Variants in LSP1 observed in about 807,000 individuals in gnomAD.
The protein encoded by LSP1 is lymphocyte-specific protein 1.
In LSP1, 32 loss-of-function variants were observed where a neutral mutation model predicts 49.3. The ratio of observed to expected loss-of-function variants is 0.65; its 90% CI spans 0.49 to 0.87. The LOEUF is 0.87. Ranked by LOEUF, LSP1 falls within the 40% of genes least tolerant of loss-of-function variation. The probability of loss-of-function intolerance (pLI) is 0.00; values close to 1 mark genes in which losing one functional copy is unlikely to be tolerated. For missense variants in LSP1, 428 were observed against 442.6 expected (o/e 0.97, Z 0.30); for synonymous variants, 179 against 178.8 (o/e 1.00, Z -0.01).
At chr11:1,880,292 G>A in intron 2 of LSP1, 68 bp downstream of exon 2, 1 of 1,459,964 alleles carries the variant, frequency 6.8e-7, no homozygotes, top group East Asian at 2.6e-5. Context: ...CTGGGCAGAG[G>A]GGGAGGTCAA....
chr11:1,884,059 C>G lies in LSP1; in HGVS notation c.591+35C>G, dbSNP rs370821613. 6.4e-7 allele frequency: 1 copy of G among 1,565,704 alleles called. No homozygotes were observed. The highest frequency in any genetic ancestry group is 8.7e-7 in the Non-Finnish European group (1 of 1,150,918). ...GCTGCAAAGCCTGCCATCTTCTCCCCTCTCCCGTACTCATACCCAAAAGGC... is the reference window on the plus strand; with the variant it reads ...GCTGCAAAGCCTGCCATCTTCTCCCGTCTCCCGTACTCATACCCAAAAGGC... On this transcript the variant is annotated intron_variant, in intron 5 of 10. Transcript: ENST00000311604. This position sits in a 1 kb window ranked among gnomAD's most constrained non-coding sequence, Gnocchi z 4.1.
intron 1 of LSP1, among the ~76,000 whole-genome samples, chr11:1,868,273 TG>T (rs1451706144): frequency 6.6e-6 from 1 of 152,208 alleles, no homozygotes; most frequent in Admixed American, 6.5e-5. Context: ...AGAGGGGGGC[TG>T]GGGATCAGCC....
In LSP1 at chr11:1,854,937, C is replaced by A. The variant is rs558698233; in HGVS notation, c.53+1740C>A. Among the ~76,000 whole-genome samples the A allele has an allele frequency of 9.7e-4, 147 of 152,230 alleles. 1 individual carries two copies. Among genetic ancestry groups the A allele is most frequent in the Non-Finnish European group, 1.6e-3 (106 of 67,980 alleles). On this transcript the variant is annotated intron_variant, in intron 1 of 10. Transcript: ENST00000311604. The stretch of plus-strand genomic sequence containing the variant: ...TGCCCTGGATCCCCCGGGCCAGGAG[C>A]GGGGAGGGGGGGTTGGAGCGGGCAT...
chr11:1,882,612 C>T (rs1473294785), intron 3 of LSP1, among the ~76,000 whole-genome samples: 2 of 152,120 alleles, frequency 1.3e-5, no homozygotes, highest in African/African-American at 2.4e-5. Flanking sequence ...CGAGGCTGCT[C>T]CCACCAGCAG....
At chr11:1,889,942 T>A (rs1327631163) in intron 10 of LSP1, 1 of 629,840 alleles carries the variant, frequency 1.6e-6, no homozygotes, top group East Asian at 2.7e-5. Context: ...CTGGGGGGAC[T>A]TGGGGTGGCA....
At chr11:1,882,332 C>A (rs578241447) in intron 3 of LSP1, among the ~76,000 whole-genome samples, 1 of 152,296 alleles carries the variant, frequency 6.6e-6, no homozygotes, top group African/African-American at 2.4e-5. Flanking sequence ...CATGGCTGGG[C>A]TGACAGTTCT....
intron 3 of LSP1, 63 bp from the exon 4 acceptor site, chr11:1,883,356 G>A (rs1848625515): frequency 6.3e-7 from 1 of 1,582,262 alleles, no homozygotes; most frequent in Non-Finnish European, 8.6e-7. Flanking sequence ...CTTGGAAAAA[G>A]GAAGGGGTCA....
chr11:1,890,348 T>C (rs1848945915), intron 10 of LSP1: 1 of 715,760 alleles, frequency 1.4e-6, no homozygotes, highest in Non-Finnish European at 2.6e-6. Context: ...CGTGCGGGGC[T>C]GTGACCTCCT....
chr11:1,872,206 C>T (rs74349019), intron 1 of LSP1, among the ~76,000 whole-genome samples: 3,592 of 73,502 alleles, frequency 0.049, 63 homozygotes, highest in African/African-American at 0.061. Context: ...ACCTTTGGGA[C>T]GGGGTGTGTG....
At chr11:1,869,908 C>G (rs1847927905) in intron 1 of LSP1, among the ~76,000 whole-genome samples, 1 of 152,188 alleles carries the variant, frequency 6.6e-6, no homozygotes, top group East Asian at 1.9e-4. Context: ...CCTCTTCTGG[C>G]CTCTGTCCCT....
rs746748536 is a variant in LSP1, at chr11:1,884,449, GGGA to G, written c.636-49_636-47del. ...GCTCTGGGAGAGGCTTGGGCAGGTT[GGGA>G]GAAGCCTTGTGGGAGACATGGGGCC... On this transcript the variant is annotated intron_variant, in intron 6 of 10. Transcript: ENST00000311604. The surrounding 1 kb of genome is among the most constrained non-coding windows in gnomAD (Gnocchi z 4.1). 1 of 1,602,418 alleles carries G rather than the reference GGGA, an allele frequency of 6.2e-7. No homozygotes were observed. Among genetic ancestry groups the G allele is most frequent in the South Asian group, 1.1e-5 (1 of 90,858 alleles).
chr11:1,861,113 A>G (rs552786663), intron 1 of LSP1, among the ~76,000 whole-genome samples: 1 of 152,342 alleles, frequency 6.6e-6, no homozygotes, highest in African/African-American at 2.4e-5. Context: ...CTCTTCCAGG[A>G]ACACTTCCTC....
intron 1 of LSP1, among the ~76,000 whole-genome samples, chr11:1,874,022 A>G (rs1848181793): frequency 7.2e-6 from 1 of 138,818 alleles, no homozygotes; most frequent in Non-Finnish European, 1.5e-5. Context: ...AGGCCGGCAG[A>G]GGAGGGAGGC....
At chr11:1,883,372 G>A (rs374165719) in intron 3 of LSP1, 47 bp from the exon 4 acceptor site, 1 of 1,604,246 alleles carries the variant, frequency 6.2e-7, no homozygotes, top group Non-Finnish European at 8.5e-7. Flanking sequence ...GGTCAACCAA[G>A]CAATCCAATG....
chr11:1,876,516 C>G, intron 1 of LSP1: 1 of 985,558 alleles, frequency 1.0e-6, no homozygotes, highest in Non-Finnish European at 1.2e-6. Context: ...AGGACGGACC[C>G]TCTCCAGCCG....
At chr11:1,857,134 T>C (rs1847508885) in intron 1 of LSP1, among the ~76,000 whole-genome samples, 1 of 152,202 alleles carries the variant, frequency 6.6e-6, no homozygotes, top group Non-Finnish European at 1.5e-5. Context: ...CCTCGTGGGC[T>C]GGCAGGCGCT....
chr11:1,863,772 C>T (rs936378143), intron 1 of LSP1, among the ~76,000 whole-genome samples: 2 of 152,214 alleles, frequency 1.3e-5, no homozygotes, highest in Non-Finnish European at 2.9e-5. Flanking sequence ...CAAGGGGGGC[C>T]TGGCTGGCGA....
chr11:1,870,395 T>C lies in LSP1; in HGVS notation c.54-9692T>C, dbSNP rs916394166. 9 of 1,237,384 alleles carry C rather than the reference T, an allele frequency of 7.3e-6. No homozygotes were observed. In the African/African-American group the frequency reaches 1.1e-4, roughly 15 times the overall value. 76.7% of individuals were successfully genotyped at this position (1,237,384 alleles called of 1,614,324 possible). A position where few individuals can be genotyped will look rare whatever the true frequency, so the allele number is the denominator to read the frequency against. ...AGTGCCGGCCCAGGGGCAGACTCTT[T>C]TCTGCTCTGCCATGTCTTCCCTGCA... On this transcript the variant is annotated intron_variant, in intron 1 of 10. Transcript: ENST00000311604.
intron 4 of LSP1, 118 bp from the exon 5 acceptor site, chr11:1,883,814 C>A: frequency 1.9e-6 from 2 of 1,044,136 alleles, no homozygotes; most frequent in East Asian, 2.4e-5. Context: ...TGGAGCACGT[C>A]AGGGCCACAG....
Sources: allele counts gnomAD v4.1 joint callset (sites outside exome capture counted in the v4.1 genomes callset), GRCh38; gene constraint gnomAD v4.1.1; non-coding constraint Gnocchi (gnomAD v3.1); transcripts MANE v1.5; gene names NCBI Gene and HGNC (gene_info 2026-07-23, HGNC 2026-07-21).